The following PIEZO2 variants were observed in gnomAD, a reference collection of about 807,000 sequenced individuals.
PIEZO2 encodes the protein piezo type mechanosensitive ion channel component 2.
A neutral mutation model predicts 337.3 loss-of-function variants in PIEZO2; 172 were observed. The ratio of observed to expected loss-of-function variants is 0.51; its 90% CI spans 0.45 to 0.58. PIEZO2 has a LOEUF of 0.58. Ranked by LOEUF, PIEZO2 falls within the 20% of genes least tolerant of loss-of-function variation. The pLI, the probability that PIEZO2 is intolerant of heterozygous loss-of-function variation, is 0.00. For missense variants in PIEZO2, 3,028 were observed against 3,391.3 expected, an observed-to-expected ratio of 0.89 and a Z score of 2.66; for synonymous variants, 1,251 against 1,228.5, an observed-to-expected ratio of 1.02 and a Z score of -0.38.
chr18:11,135,970 C>A (rs898199067), intron 1 of PIEZO2, among the ~76,000 whole-genome samples: 8 of 152,194 alleles, frequency 5.3e-5, no homozygotes, highest in Non-Finnish European at 7.3e-5. Flanking sequence ...AAGATAATAT[C>A]TGACATTTGT....
intron 1 of PIEZO2, among the ~76,000 whole-genome samples, chr18:11,068,321 T>C (rs2038220226): frequency 6.6e-6 from 1 of 152,148 alleles, no homozygotes; most frequent in Non-Finnish European, 1.5e-5. Flanking sequence ...TGAAATCATA[T>C]CAAGTGTCTT....
chr18:10,788,379 A>G (rs1049392483), intron 15 of PIEZO2, among the ~76,000 whole-genome samples: 5 of 150,212 alleles, frequency 3.3e-5, no homozygotes, highest in Non-Finnish European at 7.4e-5. Flanking sequence ...ACTACACTCC[A>G]GCCTAAGGGA....
rs78671192 is a variant in PIEZO2 at position 10,895,733 on chromosome 18, T to C, written c.329+15453A>G. Among the ~76,000 whole-genome samples, 4,882 of 152,234 alleles carry C rather than the reference T, an allele frequency of 0.032. 238 individuals carry two copies. The highest frequency in any genetic ancestry group is 0.11 in the African/African-American group (4,627 of 41,510). ...AATGGACTACCAGCAACAGGTGTAA[T>C]GGGTGCTGATGATGTTGTTTCTGTC... On this transcript the variant is annotated intron_variant, in intron 4 of 55. Transcript: ENST00000674853. The surrounding 1 kb of genome is among the most constrained non-coding windows in gnomAD (Gnocchi z 4.8).
chr18:10,949,823 C>T (rs2033205596), intron 3 of PIEZO2, among the ~76,000 whole-genome samples: 1 of 152,188 alleles, frequency 6.6e-6, no homozygotes, highest in African/African-American at 2.4e-5. Context: ...TGATGCCTCT[C>T]CTATTTCTCA....
At position 10,803,933 on chromosome 18, in the gene PIEZO2, G is replaced by A. The variant is rs764717698; in HGVS notation, c.1142C>T (p.Thr381Ile). 4.6e-6 allele frequency: 7 copies of A among 1,537,222 alleles called. No individual in the cohort carries two copies. Among genetic ancestry groups the A allele is most frequent in the Non-Finnish European group, 4.4e-6 (5 of 1,146,942 alleles). ...KALACSPIQI[T>I]AGRRRSLWYA... ...CCACAGGCTCCGCCTCCTCCCCGCT[G>A]TTATTTGGATGGGGCTACAAGCCAG... Residue 381 changes from threonine (T) to isoleucine (I), a missense_variant, in exon 9 of 56, where the codon ACA (threonine) becomes ATA (isoleucine). Thr to Ile is a moderately conservative substitution (Grantham distance 89). Coordinates refer to ENST00000674853, the MANE Select transcript of PIEZO2 (RefSeq NM_001378183.1).
At chr18:10,771,858 C>T (rs1181033682) in intron 20 of PIEZO2, among the ~76,000 whole-genome samples, 1 of 152,192 alleles carries the variant, frequency 6.6e-6, no homozygotes, top group Non-Finnish European at 1.5e-5. Context: ...ACACTCCCTG[C>T]CCAGTGGTCA....
intron 2 of PIEZO2, among the ~76,000 whole-genome samples, chr18:11,011,995 A>T (rs2035922050): frequency 6.6e-6 from 1 of 152,240 alleles, no homozygotes; most frequent in Admixed American, 6.5e-5. Flanking sequence ...AAGAATTTTT[A>T]AAAATATAAA....
At chr18:10,774,926 C>T (rs1347319342) in intron 18 of PIEZO2, among the ~76,000 whole-genome samples, 1 of 152,058 alleles carries the variant, frequency 6.6e-6, no homozygotes, top group Non-Finnish European at 1.5e-5. Context: ...AATTTTCTAC[C>T]AAATGAGGAA....
rs2037001289 is a variant in PIEZO2, at chr18:10,736,519, C to T, written c.4815+85G>A. 4 of 1,498,054 alleles carry T rather than the reference C, an allele frequency of 2.7e-6. No homozygotes were observed. In the African/African-American group the frequency reaches 5.6e-5, roughly 21 times the overall value. 92.8% of individuals were successfully genotyped at this position (1,498,054 alleles called of 1,614,324 possible). A position where few individuals can be genotyped will look rare whatever the true frequency, so the allele number is the denominator to read the frequency against. The stretch of plus-strand genomic sequence containing the variant: ...GGGGAGCTATGACATATGAATATTA[C>T]AGGAGGTGTCTAGGCCTGCAATGAA... On this transcript the variant is annotated intron_variant, in intron 34 of 55. Transcript: ENST00000674853.
At chr18:10,737,298 C>CAACAAAAAAAAACAACAA (rs1555634876) in intron 33 of PIEZO2, among the ~76,000 whole-genome samples, 1 of 104,574 alleles carries the variant, frequency 9.6e-6, no homozygotes, top group African/African-American at 4.1e-5. Flanking sequence ...AAAAAAAAAA[C>CAACAAAAAAAAACAACAA]AAAAAAACAC....
chr18:10,793,733 G>T (rs1160169504), intron 13 of PIEZO2, among the ~76,000 whole-genome samples: 1 of 152,108 alleles, frequency 6.6e-6, no homozygotes, highest in African/African-American at 2.4e-5. Flanking sequence ...TATAACGTGG[G>T]ATTTTCAGCA....
intron 1 of PIEZO2, among the ~76,000 whole-genome samples, chr18:11,068,785 C>T (rs186755121): frequency 1.3e-5 from 2 of 152,044 alleles, no homozygotes; most frequent in South Asian, 2.1e-4. Context: ...AAACCTCAGA[C>T]TCAGAAGAAG....
chr18:10,726,440 G>A lies in PIEZO2; in HGVS notation c.5029+4967C>T. 6.5e-7 allele frequency: 1 copy of A among 1,530,004 alleles called. No individual in the cohort carries two copies. The allele number at this position is 1,530,004 out of a possible 1,614,324, so 94.8% of individuals were successfully genotyped here. On this transcript the variant is annotated intron_variant, in intron 36 of 55. Coordinates refer to ENST00000674853, the MANE Select transcript of PIEZO2 (RefSeq NM_001378183.1). This position sits in a 1 kb window ranked among gnomAD's most constrained non-coding sequence, Gnocchi z 5.9. ...ACGCGGAGGGCCGGCTGCGGTACGG[G>A]CTACGGCCGGCGAACCCCACGAGGA...
chr18:10,966,203 A>T (rs2033991017), intron 3 of PIEZO2, among the ~76,000 whole-genome samples: 1 of 152,214 alleles, frequency 6.6e-6, no homozygotes, highest in Admixed American at 6.5e-5. Flanking sequence ...CTCAAGCCAG[A>T]AATCTGGGCA....
intron 27 of PIEZO2, among the ~76,000 whole-genome samples, chr18:10,756,593 TGAG>T (rs763074468): frequency 2.2e-4 from 21 of 94,362 alleles, no homozygotes; most frequent in African/African-American, 7.9e-4. Flanking sequence ...GGATGAAAGA[TGAG>T]GAGGAGGGAT....
chr18:10,731,549 T>C (rs1216388733), intron 35 of PIEZO2, 28 bp from the exon 36 acceptor site: 7 of 1,433,012 alleles, frequency 4.9e-6, no homozygotes, highest in Middle Eastern at 1.7e-4. Flanking sequence ...AATTATTTTC[T>C]GGCCTTTTAA....
chr18:10,840,731 A>T (rs1402941394), intron 7 of PIEZO2, among the ~76,000 whole-genome samples: 1 of 152,234 alleles, frequency 6.6e-6, no homozygotes, highest in Non-Finnish European at 1.5e-5. Context: ...TACATAAATG[A>T]ATTGGATCTG....
chr18:10,780,318 T>C lies in PIEZO2; in HGVS notation c.2534+7A>G. ...AAAAATAAGAGAGAAAACATTGAAGTACCCACCTATTTATTATTAGATATA... is the reference window on the plus strand; with the variant it reads ...AAAAATAAGAGAGAAAACATTGAAGCACCCACCTATTTATTATTAGATATA... On this transcript the variant is annotated splice_region_variant and intron_variant, in intron 18 of 55. Coordinates refer to ENST00000674853, the MANE Select transcript of PIEZO2 (RefSeq NM_001378183.1). 1.4e-6 allele frequency: 1 copy of C among 702,866 alleles called. No individual in the cohort carries two copies. The highest frequency in any genetic ancestry group is 2.6e-6 in the Non-Finnish European group (1 of 384,936). 43.5% of individuals were successfully genotyped at this position (702,866 alleles called of 1,614,324 possible).
At chr18:10,932,090 C>T (rs2032123386) in intron 3 of PIEZO2, among the ~76,000 whole-genome samples, 1 of 152,158 alleles carries the variant, frequency 6.6e-6, no homozygotes, top group South Asian at 2.1e-4. Context: ...CTAAGTTGAA[C>T]CTAAGTTGGT....
Sources: gnomAD v4.1 joint callset for allele counts (sites outside exome capture counted in the v4.1 genomes callset) on GRCh38, gnomAD v4.1.1 for gene constraint, Gnocchi (gnomAD v3.1) non-coding constraint, MANE v1.5 for transcripts, NCBI Gene and HGNC (gene_info 2026-07-23, HGNC 2026-07-21) for gene names.